Variants in CRTC1 observed in about 807,000 individuals in gnomAD.
CRTC1 encodes CREB-regulated transcription coactivator 1.
A neutral mutation model predicts 66.1 loss-of-function variants in CRTC1; 18 were observed. That is an observed-to-expected ratio of 0.27 (90% CI 0.19 to 0.40). The LOEUF (loss-of-function observed/expected upper bound fraction) is 0.40, where lower values mean the gene tolerates loss of function less well. CRTC1 is among the 10% of genes least tolerant of loss of function. The probability of loss-of-function intolerance (pLI) is 1.00; values close to 1 mark genes in which losing one functional copy is unlikely to be tolerated. For missense variants in CRTC1, 669 were observed against 887.9 expected (o/e 0.75, Z 3.13); for synonymous variants, 416 against 398.8 (o/e 1.04, Z -0.51).
intron 13 of CRTC1, 53 bp downstream of exon 13, chr19:18,775,874 G>GC: frequency 6.7e-7 from 1 of 1,501,268 alleles, no homozygotes; most frequent in Non-Finnish European, 8.9e-7. Context: ...CTCAGCCCGT[G>GC]CGGAGACAGC....
At chr19:18,767,038 C>A (rs2054751449) in intron 9 of CRTC1, among the ~76,000 whole-genome samples, 1 of 152,166 alleles carries the variant, frequency 6.6e-6, no homozygotes, top group Admixed American at 6.5e-5. Flanking sequence ...CCAATCTCAT[C>A]TCCTTCTTAT....
chr19:18,721,994 C>T (rs2053639295), intron 1 of CRTC1, among the ~76,000 whole-genome samples: 1 of 152,214 alleles, frequency 6.6e-6, no homozygotes, highest in Non-Finnish European at 1.5e-5. Context: ...CATGATCCAG[C>T]ACATGGGAGT....
chr19:18,689,583 A>ATATATATG (rs60084986), intron 1 of CRTC1, among the ~76,000 whole-genome samples: 15 of 65,698 alleles, frequency 2.3e-4, no homozygotes, highest in East Asian at 1.8e-3. Flanking sequence ...ATATATATAT[A>ATATATATG]TATGTAATAT....
chr19:18,726,706 T>C (rs1405794183), intron 1 of CRTC1, among the ~76,000 whole-genome samples: 1 of 151,932 alleles, frequency 6.6e-6, no homozygotes, highest in African/African-American at 2.4e-5. Flanking sequence ...GGCGGGCGGA[T>C]CATGAGGTCA....
intron 1 of CRTC1, among the ~76,000 whole-genome samples, chr19:18,713,822 C>T (rs1462018322): frequency 1.3e-5 from 2 of 152,240 alleles, no homozygotes; most frequent in African/African-American, 2.4e-5. Context: ...GAGGAGCTGA[C>T]ATCCCAAAAG....
At chr19:18,764,085 G>A (rs1402740893) in intron 8 of CRTC1, among the ~76,000 whole-genome samples, 1 of 152,182 alleles carries the variant, frequency 6.6e-6, no homozygotes, top group Admixed American at 6.5e-5. Context: ...GCATCCGAGG[G>A]GAAGTGCAGG....
intron 1 of CRTC1, among the ~76,000 whole-genome samples, chr19:18,688,238 CA>C (rs750448233): frequency 6.6e-6 from 1 of 151,962 alleles, no homozygotes; most frequent in Non-Finnish European, 1.5e-5. Flanking sequence ...GTGGCTGGGA[CA>C]GGGGTGACAC....
rs1314113216 is a variant in CRTC1, at chr19:18,745,955, C to T, written c.376C>T (p.Arg126Trp). 6 of 1,609,438 alleles carry T rather than the reference C, an allele frequency of 3.7e-6. No individual in the cohort carries two copies. The highest frequency in any genetic ancestry group is 1.3e-5 in the African/African-American group (1 of 74,858). The change falls in exon 3 of 14, where the codon CGG (arginine) becomes TGG (tryptophan). Residue 126 changes from arginine (R) to tryptophan (W), a missense_variant. By Grantham distance (101) the Arg-to-Trp change is moderately radical. Around this residue, in one of 8 missense-constraint regions of CRTC1, gnomAD observed 214 missense variants for 323.4 expected, o/e 0.66. Coordinates refer to ENST00000321949, the MANE Select transcript of CRTC1 (RefSeq NM_015321.3). Reference protein sequence around the residue: ...RRPLSVDKHGRQADSCPYGTM... With the variant: ...RRPLSVDKHGWQADSCPYGTM... ...GCCCCTGTCAGTGGACAAACACGGA[C>T]GGCAGATATCCTTTTCACCAGAGGA...
At chr19:18,719,877 C>G (rs1244781944) in intron 1 of CRTC1, among the ~76,000 whole-genome samples, 2 of 152,226 alleles carry the variant, frequency 1.3e-5, no homozygotes, top group African/African-American at 4.8e-5. Context: ...TCAAGATGGG[C>G]ACAGGCCCGC....
chr19:18,772,065 G>A (rs1284445932), intron 11 of CRTC1, among the ~76,000 whole-genome samples: 2 of 152,306 alleles, frequency 1.3e-5, no homozygotes, highest in East Asian at 3.9e-4. Flanking sequence ...GTGTCTCAGG[G>A]CCCTTGTCCC....
chr19:18,773,813 G>C (rs1052937571), intron 11 of CRTC1, among the ~76,000 whole-genome samples: 10 of 151,988 alleles, frequency 6.6e-5, no homozygotes, highest in Admixed American at 3.9e-4. Flanking sequence ...GTCTGTCTCT[G>C]TTGTCTGCCC....
chr19:18,775,924 G>A (rs562129760), intron 13 of CRTC1, 103 bp downstream of exon 13: 12 of 1,287,448 alleles, frequency 9.3e-6, no homozygotes, highest in Middle Eastern at 2.8e-4. Context: ...TGACAGGGCC[G>A]GGGTTGTGAC....
At chr19:18,723,688 C>T (rs947680578) in intron 1 of CRTC1, among the ~76,000 whole-genome samples, 8 of 152,182 alleles carry the variant, frequency 5.3e-5, no homozygotes, top group Non-Finnish European at 1.2e-4. Context: ...GGTATTTCTG[C>T]CTGATTGCCA....
chr19:18,698,487 A>G (rs1165387872), intron 1 of CRTC1, among the ~76,000 whole-genome samples: 1 of 151,280 alleles, frequency 6.6e-6, no homozygotes, highest in Non-Finnish European at 1.5e-5. Flanking sequence ...CAGCAGGCAC[A>G]GTGTGTACTC....
Position 18,768,392 on chromosome 19 carries a change from C to G in CRTC1, c.1012-93C>G. 3 of 1,080,584 alleles carry G rather than the reference C, an allele frequency of 2.8e-6. No homozygotes were observed. The highest frequency in any genetic ancestry group is 2.4e-4 in the Middle Eastern group (1 of 4,236). The allele number at this position is 1,080,584 out of a possible 1,614,324, so 66.9% of individuals were successfully genotyped here. A position where few individuals can be genotyped will look rare whatever the true frequency, so the allele number is the denominator to read the frequency against. ...GCCTGTGATCACAGGGCCCTTCCACCTCGCCTGCTGAGCATGCCAGGCTAT... is the reference window on the plus strand; with the variant it reads ...GCCTGTGATCACAGGGCCCTTCCACGTCGCCTGCTGAGCATGCCAGGCTAT... On this transcript the variant is annotated intron_variant, in intron 9 of 13. Coordinates refer to ENST00000321949, the MANE Select transcript of CRTC1 (RefSeq NM_015321.3). This position sits in a 1 kb window ranked among gnomAD's most constrained non-coding sequence, Gnocchi z 5.6.
intron 1 of CRTC1, 31 bp from the exon 2 acceptor site, chr19:18,742,879 C>T: frequency 1.3e-6 from 2 of 1,542,676 alleles, no homozygotes; most frequent in South Asian, 1.1e-5. Flanking sequence ...GGAGGTGACC[C>T]CTCCCGCAGC....
intron 1 of CRTC1, among the ~76,000 whole-genome samples, chr19:18,706,927 C>T (rs1160296243): frequency 6.6e-6 from 1 of 152,136 alleles, no homozygotes; most frequent in Non-Finnish European, 1.5e-5. Flanking sequence ...ATATAGTCTA[C>T]ATATTGATCC....
At chr19:18,716,059 G>A (rs902858375) in intron 1 of CRTC1, among the ~76,000 whole-genome samples, 7 of 152,238 alleles carry the variant, frequency 4.6e-5, no homozygotes, top group African/African-American at 1.7e-4. Context: ...CTGCAGGTGG[G>A]GAGGGATGCC....
intron 1 of CRTC1, among the ~76,000 whole-genome samples, chr19:18,684,563 C>T (rs1473677724): frequency 6.6e-6 from 1 of 152,120 alleles, no homozygotes; most frequent in Non-Finnish European, 1.5e-5. Context: ...GCAGATTGTG[C>T]TCAGTCCTGG....
Sources: allele counts gnomAD v4.1 joint callset (sites outside exome capture counted in the v4.1 genomes callset), GRCh38; gene constraint gnomAD v4.1.1; regional missense constraint gnomAD v4.1.1; non-coding constraint Gnocchi (gnomAD v3.1); transcripts MANE v1.5; gene names NCBI Gene and HGNC (gene_info 2026-07-23, HGNC 2026-07-21).